The following COL21A1 variants were observed in gnomAD, a reference collection of about 807,000 sequenced individuals.
The protein encoded by COL21A1 is collagen alpha-1(XXI) chain.
In COL21A1, 149 loss-of-function variants were observed where a neutral mutation model predicts 137.9. The ratio of observed to expected loss-of-function variants is 1.08; its 90% CI spans 0.95 to 1.24. The LOEUF is 1.24. Ranked by LOEUF, COL21A1 falls within the 50% of genes most tolerant of loss-of-function variation. The pLI, the probability that COL21A1 is intolerant of heterozygous loss-of-function variation, is 0.00. For synonymous variants in COL21A1, 456 were observed against 391.5 expected, an observed-to-expected ratio of 1.16 and a Z score of -1.95; for missense variants, 1,167 against 1,158.4, an observed-to-expected ratio of 1.01 and a Z score of -0.11.
intron 17 of COL21A1, among the ~76,000 whole-genome samples, chr6:56,095,734 A>G (rs182368937): frequency 6.6e-6 from 1 of 152,084 alleles, no homozygotes; most frequent in Non-Finnish European, 1.5e-5. Context: ...CAACTAGCAC[A>G]CTCATATTTA....
intron 1 of COL21A1, among the ~76,000 whole-genome samples, chr6:56,327,971 G>C (rs900743047): frequency 2.0e-5 from 3 of 152,034 alleles, no homozygotes; most frequent in Non-Finnish European, 4.4e-5. Flanking sequence ...ATAATAGCCT[G>C]ATTAGAAGTA....
At chr6:56,319,761 A>G (rs947504949) in intron 1 of COL21A1, among the ~76,000 whole-genome samples, 12 of 152,298 alleles carry the variant, frequency 7.9e-5, no homozygotes, top group Non-Finnish European at 1.6e-4. Flanking sequence ...TGGATTCTCC[A>G]TGAAAGCTTA....
At chr6:56,292,116 C>T (rs2152335758) in intron 1 of COL21A1, among the ~76,000 whole-genome samples, 1 of 152,202 alleles carries the variant, frequency 6.6e-6, no homozygotes, top group East Asian at 1.9e-4. Context: ...TTGCAGTGAG[C>T]TGAGATCACA....
At chr6:56,128,462 C>T (rs1030104143) in intron 12 of COL21A1, among the ~76,000 whole-genome samples, 2 of 152,182 alleles carry the variant, frequency 1.3e-5, no homozygotes, top group African/African-American at 4.8e-5. Context: ...TTCAATGACT[C>T]TGAACTTCAC....
chr6:56,252,009 T>C (rs1026013291), upstream of COL21A1, among the ~76,000 whole-genome samples: 1 of 152,236 alleles, frequency 6.6e-6, no homozygotes, highest in Non-Finnish European at 1.5e-5. Flanking sequence ...CAAGACTCCA[T>C]AGTATCAGGC....
intron 1 of COL21A1, among the ~76,000 whole-genome samples, chr6:56,264,911 T>C (rs1444571951): frequency 6.6e-6 from 1 of 152,194 alleles, no homozygotes; most frequent in African/African-American, 2.4e-5. Context: ...GGAGTCTTCA[T>C]AGTTCTTGAT....
intron 23 of COL21A1, among the ~76,000 whole-genome samples, chr6:56,065,899 G>A (rs918723524): frequency 2.0e-5 from 3 of 151,962 alleles, no homozygotes; most frequent in African/African-American, 4.8e-5. Flanking sequence ...TGGACTCAAG[G>A]AGACCAGTTA....
At chr6:56,172,984 G>A (rs1777182263) in intron 3 of COL21A1, among the ~76,000 whole-genome samples, 1 of 151,664 alleles carries the variant, frequency 6.6e-6, no homozygotes, top group African/African-American at 2.4e-5. Context: ...AAAAAAAGAG[G>A]GACAAAAAGC....
intron 1 of COL21A1, among the ~76,000 whole-genome samples, chr6:56,298,178 G>A (rs1764202764): frequency 6.6e-6 from 1 of 152,042 alleles, no homozygotes; most frequent in Admixed American, 6.6e-5. Flanking sequence ...CAAGTCCAAT[G>A]GTGAAGGGAA....
rs974811265 is a variant in COL21A1, at chr6:56,171,379, A to C, written c.641-251T>G. On this transcript the variant is annotated intron_variant, in intron 3 of 29. Coordinates refer to ENST00000244728, the MANE Select transcript of COL21A1 (RefSeq NM_030820.4). ...AAAAAATAAGGGATAAAAGTAAAAC[A>C]AAAATATAAATATTTGTTAATGTAT... Among the ~76,000 whole-genome samples, 5 of 151,952 alleles carry C rather than the reference A, an allele frequency of 3.3e-5. 1 individual carries two copies. The highest frequency in any genetic ancestry group is 3.3e-4 in the Admixed American group (5 of 15,244).
chr6:56,309,518 C>T (rs896356233), intron 1 of COL21A1, among the ~76,000 whole-genome samples: 1 of 152,148 alleles, frequency 6.6e-6, no homozygotes, highest in Non-Finnish European at 1.5e-5. Flanking sequence ...AAATAGCCAT[C>T]ACATGTCTTA....
intron 10 of COL21A1, among the ~76,000 whole-genome samples, chr6:56,152,110 G>A (rs186828258): frequency 1.4e-3 from 211 of 152,248 alleles, no homozygotes; most frequent in African/African-American, 4.9e-3. Flanking sequence ...AAGTCTGAAA[G>A]GAATCTTAGA....
intron 1 of COL21A1, 50 bp from the exon 2 acceptor site, chr6:56,182,706 T>A: frequency 1.3e-6 from 1 of 765,364 alleles, no homozygotes; most frequent in Non-Finnish European, 2.2e-6. Flanking sequence ...AGTCAACATC[T>A]AGCCATTATA....
intron 1 of COL21A1, among the ~76,000 whole-genome samples, chr6:56,195,974 A>C (rs1778994280): frequency 6.6e-6 from 1 of 152,150 alleles, no homozygotes. Flanking sequence ...TTTCTCAATA[A>C]CCTACTAGTA....
At chr6:56,203,884 C>A (rs538158534) in intron 1 of COL21A1, among the ~76,000 whole-genome samples, 2 of 152,152 alleles carry the variant, frequency 1.3e-5, no homozygotes, top group African/African-American at 2.4e-5. Flanking sequence ...CTCCCTCCCC[C>A]AGCCAAGGGA....
At chr6:56,152,858 T>G (rs1401925228) in intron 10 of COL21A1, among the ~76,000 whole-genome samples, 1 of 152,160 alleles carries the variant, frequency 6.6e-6, no homozygotes, top group Non-Finnish European at 1.5e-5. Context: ...GTGTGTGAAC[T>G]GCATTGGCTC....
intron 25 of COL21A1, chr6:56,061,315 T>G: frequency 2.0e-6 from 1 of 488,326 alleles, no homozygotes; most frequent in East Asian, 3.3e-5. Flanking sequence ...GATAAAACAA[T>G]GGGCATAACA....
intron 1 of COL21A1, among the ~76,000 whole-genome samples, chr6:56,210,732 C>G (rs1381407253): frequency 1.3e-5 from 2 of 152,098 alleles, no homozygotes; most frequent in African/African-American, 2.4e-5. Context: ...ACTCAAGTCT[C>G]TATAGCTACC....
intron 24 of COL21A1, among the ~76,000 whole-genome samples, chr6:56,063,058 T>C (rs756918155): frequency 3.9e-5 from 6 of 152,144 alleles, no homozygotes; most frequent in Non-Finnish European, 7.4e-5. Flanking sequence ...ATTCAGCTGC[T>C]GAAAAGCAAC....
Sources: allele counts gnomAD v4.1 joint callset (sites outside exome capture counted in the v4.1 genomes callset), GRCh38; gene constraint gnomAD v4.1.1; transcripts MANE v1.5; gene names NCBI Gene and HGNC (gene_info 2026-07-23, HGNC 2026-07-21).